CERCAM: variants seen among roughly 807,000 people sequenced by gnomAD.
CERCAM encodes cerebral endothelial cell adhesion molecule.
A neutral mutation model predicts 66.0 loss-of-function variants in CERCAM; 59 were observed. The observed-to-expected ratio is 0.89, with a 90% CI of 0.73 to 1.11. The LOEUF is 1.11. CERCAM is among the 50% of genes most tolerant of loss of function. The pLI, the probability that CERCAM is intolerant of heterozygous loss-of-function variation, is 0.00. For synonymous variants in CERCAM, 318 were observed against 343.6 expected (o/e 0.93, Z 0.83); for missense variants, 840 against 828.3 (o/e 1.01, Z -0.17).
Position 128,423,194 on chromosome 9 carries a change from C to T in CERCAM, c.357C>T (p.His119=), listed in dbSNP as rs768992825. ...CCAAGCACTGGACCAAAGAAAGGCA[C>T]CAGTTTCTGATGGAGCTGAAGCAGG... is the stretch of plus-strand genomic sequence containing the variant. ...EGPKHWTKER[H]QFLMELKQEA... The change falls in exon 3 of 13, where the codon CAC becomes CAT. Residue 119 remains histidine, a synonymous_variant. Coordinates refer to ENST00000372838, the MANE Select transcript of CERCAM (RefSeq NM_016174.5). The T allele has an allele frequency of 6.2e-7, 1 of 1,614,116 alleles. No individual in the cohort carries two copies. Among genetic ancestry groups the T allele is most frequent in the Admixed American group, 1.7e-5 (1 of 60,000 alleles).
chr9:128,429,974 G>GT (rs141930981), intron 8 of CERCAM, among the ~76,000 whole-genome samples: 26,072 of 149,820 alleles, frequency 0.17, 2,413 homozygotes, highest in East Asian at 0.32. Context: ...GTTTTGTTTT[G>GT]TTTTTTTTTC....
At chr9:128,420,302 C>A (rs1258462152), upstream of CERCAM, 3 of 152,228 alleles carry the variant, frequency 2.0e-5, no homozygotes, top group Non-Finnish European at 4.4e-5. This position sits in a 1 kb window ranked among gnomAD's most constrained non-coding sequence, Gnocchi z 5.0. Context: ...TCTGCGCCCC[C>A]CACGCTGGGT....
Position 128,434,138 on chromosome 9 carries a change from G to A in CERCAM, c.1240G>A (p.Glu414Lys), listed in dbSNP as rs1834045691. The A allele has an allele frequency of 6.2e-6, 10 of 1,614,026 alleles. No individual in the cohort carries two copies. In the East Asian group the frequency reaches 2.0e-4, roughly 32 times the overall value. The change falls in exon 10 of 13, where the codon GAG becomes AAG. Residue 414 changes from glutamate (E) to lysine (K), a missense_variant. Coordinates refer to ENST00000372838, the MANE Select transcript of CERCAM (RefSeq NM_016174.5). The surrounding 1 kb of genome is among the most constrained non-coding windows in gnomAD (Gnocchi z 4.5). Reference protein sequence around the residue: ...ARGLARVLVFEDDVRFESNFR... With the variant: ...ARGLARVLVFKDDVRFESNFR... ...GGGCCTGGCCCGGGTCCTGGTGTTTGAGGATGACGTGCGCTTTGAGAGCAA... is the reference window on the plus strand; with the variant it reads ...GGGCCTGGCCCGGGTCCTGGTGTTTAAGGATGACGTGCGCTTTGAGAGCAA...
intron 8 of CERCAM, chr9:128,430,970 C>G: frequency 1.7e-6 from 1 of 586,276 alleles, no homozygotes; most frequent in Non-Finnish European, 3.0e-6. Flanking sequence ...GATGGTGCCA[C>G]TGCACTCCAG....
intron 9 of CERCAM, chr9:128,431,837 TG>T (rs1833983508): frequency 6.5e-6 from 1 of 153,012 alleles, no homozygotes; most frequent in South Asian, 2.1e-4. Context: ...GCTCAGTACT[TG>T]GCCAAGAAGC....
rs535019267 is a variant in CERCAM, at chr9:128,435,968, G to T, written c.*63G>T. 7 of 1,487,292 alleles carry T rather than the reference G, an allele frequency of 4.7e-6. No individual in the cohort carries two copies. The East Asian group carries it at 1.7e-4, about 35-fold the overall frequency. 92.1% of individuals were successfully genotyped at this position (1,487,292 alleles called of 1,614,324 possible). A position where few individuals can be genotyped will look rare whatever the true frequency, so the allele number is the denominator to read the frequency against. On this transcript the variant is annotated intron_variant, in intron 12 of 12. Coordinates refer to ENST00000372838, the MANE Select transcript of CERCAM (RefSeq NM_016174.5). The stretch of plus-strand genomic sequence containing the variant: ...CCTTGGCTTGCTCTCCCCTTTGATG[G>T]CATAACTGTGTCTGGGGCTGTTTTC...
rs761284834 is a variant in CERCAM at position 128,424,636 on chromosome 9, G to A, written c.766+22G>A. On this transcript the variant is annotated intron_variant, in intron 5 of 12. Coordinates refer to ENST00000372838, the MANE Select transcript of CERCAM (RefSeq NM_016174.5). Reference sequence around the variant, plus strand: ...GCTGGTGAGGACCAGCCCTCCTTTAGCATTCCTTGGAGGCCTCTGCACATT... The same window carrying A: ...GCTGGTGAGGACCAGCCCTCCTTTAACATTCCTTGGAGGCCTCTGCACATT... 3.1e-6 allele frequency: 5 copies of A among 1,610,010 alleles called. No homozygotes were observed. The South Asian group carries it at 4.4e-5, about 14-fold the overall frequency.
chr9:128,431,245 G>T lies in CERCAM; in HGVS notation c.1145G>T (p.Arg382Leu). The change falls in exon 9 of 13, where the codon CGC (arginine) becomes CTC (leucine). Residue 382 changes from arginine (R) to leucine (L), a missense_variant. Arg to Leu is a moderately radical substitution (Grantham distance 102). Transcript: ENST00000372838. ...GGCTACCAGGACCCTTACTCGGGCC[G>T]CACTCTGACCAAGGGCGAGGTGGGC... ...LPGYQDPYSGRTLTKGEVGCF... is the reference protein window; with the variant it reads ...LPGYQDPYSGLTLTKGEVGCF... 6.2e-7 allele frequency: 1 copy of T among 1,614,004 alleles called. No homozygotes were observed. The highest frequency in any genetic ancestry group is 1.1e-5 in the South Asian group (1 of 91,088).
In CERCAM at chr9:128,424,168, A is replaced by G; in HGVS notation, c.457A>G (p.Asn153Asp). ...FADTDNILTN[N>D]QTLRLLMGQG... ...AGACACAGACAACATTCTGACCAAC[A>G]ATCAGACTCTGCGGCTTCTCATGGG... The change falls in exon 4 of 13, where the codon AAT becomes GAT. Residue 153 changes from asparagine (N) to aspartate (D), a missense_variant. Transcript: ENST00000372838. 1.2e-6 allele frequency: 2 copies of G among 1,614,174 alleles called. No homozygotes were observed. The highest frequency in any genetic ancestry group is 1.3e-5 in the African/African-American group (1 of 75,060).
chr9:128,431,136 G>A (rs1833964225), intron 8 of CERCAM, 35 bp from the exon 9 acceptor site: 1 of 1,607,460 alleles, frequency 6.2e-7, no homozygotes, highest in South Asian at 1.1e-5. Context: ...GTCTCTGGCA[G>A]GCACCCCTCA....
intron 8 of CERCAM, 71 bp from the exon 9 acceptor site, chr9:128,431,100 T>C: frequency 6.5e-7 from 1 of 1,549,498 alleles, no homozygotes; most frequent in Non-Finnish European, 8.7e-7. Context: ...GTCCCCAACA[T>C]GCACAGGCCT....
At chr9:128,424,385 A>C in intron 4 of CERCAM, 25 bp from the exon 5 acceptor site, 1 of 1,613,508 alleles carries the variant, frequency 6.2e-7, no homozygotes, top group East Asian at 2.2e-5. Context: ...GCCCTCTCAC[A>C]GCCCAAAGCA....
rs1834133339 is a variant in CERCAM, at chr9:128,437,315, T to C, written c.*467T>C. 1 of 150,264 alleles carries C rather than the reference T, an allele frequency of 6.7e-6. No individual in the cohort carries two copies. The allele number at this position is 150,264 out of a possible 1,614,324, so 9.3% of individuals were successfully genotyped here. On this transcript the variant is annotated 3_prime_UTR_variant, in exon 13 of 13. Transcript: ENST00000372838. ...TGCAGACATGTTGCCCAGCACACAGTAGGCCCTCAATAAAAGCCATTTGCA... is the reference window on the plus strand; with the variant it reads ...TGCAGACATGTTGCCCAGCACACAGCAGGCCCTCAATAAAAGCCATTTGCA...
In CERCAM at chr9:128,423,141, C is replaced by T. The variant is rs373045832; in HGVS notation, c.309-5C>T. 8 of 1,613,774 alleles carry T rather than the reference C, an allele frequency of 5.0e-6. No individual in the cohort carries two copies. In the African/African-American group the frequency reaches 1.1e-4, roughly 22 times the overall value. On this transcript the variant is annotated splice_region_variant and splice_polypyrimidine_tract_variant and intron_variant, in intron 2 of 12. Transcript: ENST00000372838. The stretch of plus-strand genomic sequence containing the variant: ...CATGGGAACATCTCACCTCTATCCC[C>T]TCAGGTTCTACCCAGATGAAGAGGG...
upstream of CERCAM, chr9:128,419,267 C>T (rs1833656910): frequency 6.6e-6 from 1 of 152,288 alleles, no homozygotes; most frequent in Non-Finnish European, 1.5e-5. Flanking sequence ...GCACGTGCTG[C>T]CCCTGCACTA....
In CERCAM at chr9:128,431,319, T is replaced by G; in HGVS notation, c.1203+16T>G. The G allele has an allele frequency of 6.2e-7, 1 of 1,613,784 alleles. No individual in the cohort carries two copies. The highest frequency in any genetic ancestry group is 8.5e-7 in the Non-Finnish European group (1 of 1,179,934). ...CTGGGAAGAGGTGAGGGTGCCTGCTTCCTCCATCCACAGCCTTCGGGGAGA... is the reference window on the plus strand; with the variant it reads ...CTGGGAAGAGGTGAGGGTGCCTGCTGCCTCCATCCACAGCCTTCGGGGAGA... On this transcript the variant is annotated intron_variant, in intron 9 of 12. Transcript: ENST00000372838.
chr9:128,428,564 A>AAGTCCCTTTCCAG (rs1833900425), intron 6 of CERCAM, 143 bp downstream of exon 6: 1 of 1,206,970 alleles, frequency 8.3e-7, no homozygotes, highest in South Asian at 1.4e-5. Flanking sequence ...GACTCTGAGA[A>AAGTCCCTTTCCAG]AGTCCCTTTC....
chr9:128,432,266 T>A (rs575629151), intron 9 of CERCAM, among the ~76,000 whole-genome samples: 2 of 152,090 alleles, frequency 1.3e-5, no homozygotes, highest in African/African-American at 4.8e-5. Flanking sequence ...CCTCAGGTGA[T>A]CTGCCCACCT....
At chr9:128,436,457 A>G (rs1004198063) in intron 12 of CERCAM, among the ~76,000 whole-genome samples, 2 of 152,182 alleles carry the variant, frequency 1.3e-5, no homozygotes, top group East Asian at 1.9e-4. Flanking sequence ...CATGTTGGCC[A>G]GGCTGGTCTT....
Sources: gnomAD v4.1 joint callset for allele counts (sites outside exome capture counted in the v4.1 genomes callset) on GRCh38, gnomAD v4.1.1 for gene constraint, Gnocchi (gnomAD v3.1) non-coding constraint, MANE v1.5 for transcripts, NCBI Gene and HGNC (gene_info 2026-07-23, HGNC 2026-07-21) for gene names.